Variants in TMC1 observed in about 807,000 individuals in gnomAD.
The protein encoded by TMC1 is transmembrane channel like 1, also known as transmembrane channel-like protein 1.
In TMC1, 84 loss-of-function variants were observed where a neutral mutation model predicts 105.8. That is an observed-to-expected ratio of 0.79 (90% CI 0.67 to 0.95). The LOEUF (loss-of-function observed/expected upper bound fraction) is 0.95. Among genes scored for constraint, TMC1 ranks in the 40% least tolerant of loss-of-function variants. The pLI is 0.00. For synonymous variants in TMC1, 315 were observed against 311.5 expected (o/e 1.01, Z -0.12); for missense variants, 817 against 914.1 (o/e 0.89, Z 1.37).
chr9:72,641,999 A>G (rs1473245344), intron 4 of TMC1, among the ~76,000 whole-genome samples: 2 of 151,496 alleles, frequency 1.3e-5, no homozygotes, highest in Non-Finnish European at 2.9e-5. Flanking sequence ...TTGTATTTTT[A>G]GTAGAGACAG....
Position 72,789,291 on chromosome 9 carries a change from AC to A in TMC1, c.1201del (p.Trp403GlyfsTer7). 6.2e-7 allele frequency: 1 copy of A among 1,613,882 alleles called. No homozygotes were observed. Among genetic ancestry groups the A allele is most frequent in the Non-Finnish European group, 8.5e-7 (1 of 1,179,876 alleles). ...GGAATTTGCACAGCAAGATCCTGAC[AC>A]CCTTGGGTGGTGGGAAAAAAATGAA... ...SQEFAQQDPD[T>X]LGWWEKNEMN... On this transcript the variant is annotated frameshift_variant, in exon 15 of 24. Transcript: ENST00000297784. LOFTEE classifies it high-confidence loss of function.
chr9:72,599,000 G>T (rs1463980278), intron 2 of TMC1, among the ~76,000 whole-genome samples: 3 of 152,124 alleles, frequency 2.0e-5, no homozygotes, highest in Admixed American at 6.6e-5. Flanking sequence ...CTAGGAGAGG[G>T]AATGCCAGGG....
intron 3 of TMC1, among the ~76,000 whole-genome samples, chr9:72,623,999 G>A (rs964706463): frequency 6.6e-6 from 1 of 152,254 alleles, no homozygotes; most frequent in African/African-American, 2.4e-5. Context: ...TCCATACTCA[G>A]AATATGTGTT....
chr9:72,563,525 G>A (rs757527975), intron 1 of TMC1, among the ~76,000 whole-genome samples: 10 of 151,722 alleles, frequency 6.6e-5, no homozygotes, highest in Non-Finnish European at 1.2e-4. Flanking sequence ...AGGGGAGGAA[G>A]GCAGAAGATA....
intron 4 of TMC1, among the ~76,000 whole-genome samples, chr9:72,634,088 CAG>C (rs1415780875): frequency 6.6e-6 from 1 of 152,068 alleles, no homozygotes; most frequent in South Asian, 2.1e-4. Context: ...ATTTGGCAGA[CAG>C]GGGACTAGGG....
chr9:72,602,478 G>A (rs530714775), intron 2 of TMC1, among the ~76,000 whole-genome samples: 11 of 149,046 alleles, frequency 7.4e-5, no homozygotes, highest in Admixed American at 1.4e-4. Flanking sequence ...AGGTTCAAGC[G>A]ATTCTCCTGC....
intron 7 of TMC1, among the ~76,000 whole-genome samples, chr9:72,699,816 G>A (rs570051041): frequency 8.6e-5 from 13 of 151,844 alleles, no homozygotes; most frequent in African/African-American, 2.4e-4. Context: ...AATTAGCCGG[G>A]CAAGATGGCA....
chr9:72,650,879 TATAG>T (rs1291906605), intron 5 of TMC1, among the ~76,000 whole-genome samples: 5 of 131,850 alleles, frequency 3.8e-5, no homozygotes, highest in South Asian at 4.5e-4. Flanking sequence ...ATTTTATATA[TATAG>T]ATATATAGAT....
intron 2 of TMC1, among the ~76,000 whole-genome samples, chr9:72,588,938 T>C (rs995805567): frequency 1.3e-5 from 2 of 151,998 alleles, no homozygotes; most frequent in Non-Finnish European, 2.9e-5. Flanking sequence ...ACCCAGTTAA[T>C]TTTGTACTTT....
chr9:72,769,802 A>G (rs967408601), intron 12 of TMC1, among the ~76,000 whole-genome samples: 10 of 152,196 alleles, frequency 6.6e-5, no homozygotes, highest in Non-Finnish European at 1.5e-4. Flanking sequence ...GAAATAGGGC[A>G]ATGAAAAACA....
At chr9:72,700,470 T>C (rs761909913) in intron 7 of TMC1, 48 bp from the exon 8 acceptor site, 2 of 1,502,498 alleles carry the variant, frequency 1.3e-6, no homozygotes, top group Non-Finnish European at 1.8e-6. Flanking sequence ...AGTTCCAAAG[T>C]CAAGCAAAGC....
intron 8 of TMC1, among the ~76,000 whole-genome samples, chr9:72,739,190 C>A (rs1165160076): frequency 6.6e-6 from 1 of 152,206 alleles, no homozygotes; most frequent in African/African-American, 2.4e-5. Flanking sequence ...AGATGGCTGG[C>A]TCCTTGTGTC....
rs1369129879 is a variant in TMC1 at position 72,694,696 on chromosome 9, G to A, written c.218G>A (p.Arg73Lys). The A allele has an allele frequency of 6.2e-7, 1 of 1,610,256 alleles. No individual in the cohort carries two copies. Among genetic ancestry groups the A allele is most frequent in the African/African-American group, 1.3e-5 (1 of 74,704 alleles). The change falls in exon 7 of 24, where the codon AGG becomes AAG. Residue 73 changes from arginine (R) to lysine (K), a missense_variant. Physicochemically the swap from Arg to Lys is conservative, Grantham distance 26. Transcript: ENST00000297784. Reference sequence around the variant, plus strand: ...AAGGCAAGAGAAAAAGAGAGGAGGAGGAGGCTAAAGAGAGGAGCGTAAGTT... The same window carrying A: ...AAGGCAAGAGAAAAAGAGAGGAGGAAGAGGCTAAAGAGAGGAGCGTAAGTT... ...TRKAREKERR[R>K]RLKRGAEEEE...
Position 72,742,414 on chromosome 9 carries a change from C to T in TMC1, c.454-30C>T, listed in dbSNP as rs199771068. 667 of 1,588,688 alleles carry T rather than the reference C, an allele frequency of 4.2e-4. 3 individuals are homozygous for T. In the African/African-American group the frequency reaches 7.8e-3, roughly 19 times the overall value. On this transcript the variant is annotated intron_variant, in intron 9 of 23. Coordinates refer to ENST00000297784, the MANE Select transcript of TMC1 (RefSeq NM_138691.3). ...CATCTTGACAAATCAAGAGGTTGGA[C>T]TTTACTTTTGTATTTGACTTTCTTT...
intron 5 of TMC1, among the ~76,000 whole-genome samples, chr9:72,658,348 A>AG (rs1258356708): frequency 6.6e-6 from 1 of 151,876 alleles, no homozygotes; most frequent in African/African-American, 2.4e-5. Context: ...AAAAAAAAAA[A>AG]CTATGGTTGT....
intron 15 of TMC1, 121 bp downstream of exon 15, chr9:72,789,438 C>A: frequency 1.1e-6 from 1 of 873,412 alleles, no homozygotes; most frequent in Non-Finnish European, 1.9e-6. Flanking sequence ...CCTGCCCTTA[C>A]AGTTAACCAA....
intron 1 of TMC1, among the ~76,000 whole-genome samples, chr9:72,536,163 C>T (rs1161766183): frequency 6.6e-6 from 1 of 152,202 alleles, no homozygotes. Flanking sequence ...TCACCTGCGA[C>T]TCAAGGCAAC....
At chr9:72,719,174 C>T (rs568723295) in intron 8 of TMC1, among the ~76,000 whole-genome samples, 76 of 152,260 alleles carry the variant, frequency 5.0e-4, no homozygotes, top group Admixed American at 1.2e-3. Flanking sequence ...TGCCTGTCAC[C>T]GGATTCACAT....
At chr9:72,755,138 C>G (rs142933858) in intron 12 of TMC1, among the ~76,000 whole-genome samples, 63 of 151,094 alleles carry the variant, frequency 4.2e-4, no homozygotes, top group African/African-American at 1.5e-3. Context: ...AAGAAAGAAA[C>G]ATGTCCCTTT....
Sources: gnomAD v4.1 joint callset for allele counts (sites outside exome capture counted in the v4.1 genomes callset) on GRCh38, gnomAD v4.1.1 for gene constraint, MANE v1.5 for transcripts, NCBI Gene and HGNC (gene_info 2026-07-23, HGNC 2026-07-21) for gene names.